Variants in WTAP observed in about 807,000 individuals in gnomAD.
The protein encoded by WTAP is pre-mRNA-splicing regulator WTAP.
In WTAP, 8 loss-of-function variants were observed where a neutral mutation model predicts 50.0. That is an observed-to-expected ratio of 0.16 (90% CI 0.09 to 0.29). The LOEUF is 0.29. Ranked by LOEUF, WTAP falls within the 10% of genes least tolerant of loss-of-function variation. WTAP has a pLI of 1.00. For missense variants in WTAP, 295 were observed against 470.7 expected, an observed-to-expected ratio of 0.63 and a Z score of 3.45; for synonymous variants, 194 against 169.0, an observed-to-expected ratio of 1.15 and a Z score of -1.15.
chr6:159,732,456 G>A (rs1195869865), intron 1 of WTAP, among the ~76,000 whole-genome samples: 2 of 152,158 alleles, frequency 1.3e-5, no homozygotes, highest in African/African-American at 2.4e-5. Context: ...TTTTATGTTC[G>A]TATATACATA....
intron 2 of WTAP, among the ~76,000 whole-genome samples, chr6:159,737,164 C>T (rs749549794): frequency 1.6e-4 from 24 of 152,060 alleles, no homozygotes; most frequent in Admixed American, 7.9e-4. Context: ...CATCCCACCT[C>T]GGCCTCCTGA....
rs190351467 is a variant in WTAP, at chr6:159,753,708, A to G, written c.607+94A>G. 1.5e-3 allele frequency: 2,067 copies of G among 1,425,090 alleles called. 4 individuals are homozygous for G. Among genetic ancestry groups the G allele is most frequent in the Admixed American group, 2.4e-3 (101 of 42,506 alleles). 88.3% of individuals were successfully genotyped at this position (1,425,090 alleles called of 1,614,324 possible). ...GAATATTATAGGTTAGATTCTGTAC[A>G]TTGTTAACCTCTGCCCTATGATTGT... On this transcript the variant is annotated intron_variant, in intron 7 of 7. Transcript: ENST00000621533.
chr6:159,734,580 A>C (rs1778791266), intron 1 of WTAP, among the ~76,000 whole-genome samples: 1 of 152,146 alleles, frequency 6.6e-6, no homozygotes, highest in South Asian at 2.1e-4. Context: ...GGAGGCTGAG[A>C]TGAGAGTATG....
rs1387845552 is a variant in WTAP at position 159,732,917 on chromosome 6, G to GTGTGTGTGTGTT, written c.-8-3340_-8-3339insGTGTGTGTGTTT. 1.1e-4 allele frequency among the ~76,000 whole-genome samples: 15 copies of GTGTGTGTGTGTT among 139,180 alleles called. 1 individual carries two copies. The highest frequency in any genetic ancestry group is 3.3e-4 in the African/African-American group (13 of 38,984). The allele number at this position is 139,180 out of a possible 152,430, so 91.3% of individuals were successfully genotyped here. The stretch of plus-strand genomic sequence containing the variant: ...TGTGTGTGTGTGTGTGTGTGTGTGT[G>GTGTGTGTGTGTT]TAAAATTGATATTTAGCTCCAGACA... On this transcript the variant is annotated intron_variant, in intron 1 of 7. Coordinates refer to ENST00000621533, the MANE Select transcript of WTAP (RefSeq NM_001270531.2).
chr6:159,732,658 A>C (rs1422632543), intron 1 of WTAP, among the ~76,000 whole-genome samples: 2 of 152,052 alleles, frequency 1.3e-5, no homozygotes, highest in African/African-American at 4.8e-5. Context: ...AACATGGTGA[A>C]ACTAAAAATA....
At chr6:159,752,756 TCTC>T (rs1467308283) in intron 6 of WTAP, among the ~76,000 whole-genome samples, 3 of 152,180 alleles carry the variant, frequency 2.0e-5, no homozygotes, top group Non-Finnish European at 4.4e-5. Flanking sequence ...AACTTCCCTC[TCTC>T]CTCCTCTTTT....
In WTAP at chr6:159,751,155, AT is replaced by A. The variant is rs1779805892; in HGVS notation, c.453-2299del. ...AAAAACAACTACTTGTAATTAAATTATTTTTTCAAAACTGTGATTTTGTTAA... is the reference window on the plus strand; with the variant it reads ...AAAAACAACTACTTGTAATTAAATTATTTTTCAAAACTGTGATTTTGTTAA... On this transcript the variant is annotated intron_variant, in intron 6 of 7. Transcript: ENST00000621533. Among the ~76,000 whole-genome samples, 3 of 152,164 alleles carry A rather than the reference AT, an allele frequency of 2.0e-5. No individual in the cohort carries two copies. In the South Asian group the frequency reaches 6.2e-4, roughly 32 times the overall value.
chr6:159,728,601 C>A (rs1778372016), intron 1 of WTAP, among the ~76,000 whole-genome samples: 1 of 152,094 alleles, frequency 6.6e-6, no homozygotes, highest in African/African-American at 2.4e-5. Context: ...AAAATTTTGA[C>A]CATTAAGTTT....
At position 159,739,089 on chromosome 6, in the gene WTAP, T is replaced by G. The variant is rs372140627; in HGVS notation, c.86+44T>G. ...AAAAACAAAGTCTTTCTATAGAACA[T>G]TATATTGTGACTCTACACTGTAATT... On this transcript the variant is annotated intron_variant, in intron 3 of 7. Transcript: ENST00000621533. 44 of 1,472,834 alleles carry G rather than the reference T, an allele frequency of 3.0e-5. No homozygotes were observed. The African/African-American group carries it at 5.9e-4, about 20-fold the overall frequency. 91.2% of individuals were successfully genotyped at this position (1,472,834 alleles called of 1,614,324 possible). A position where few individuals can be genotyped will look rare whatever the true frequency, so the allele number is the denominator to read the frequency against.
rs769961323 is a variant in WTAP, at chr6:159,753,662, CTT to C, written c.607+52_607+53del. Reference sequence around the variant, plus strand: ...GAACGTTGTCTCAACTTTGCATTGGCTTTTTAAAACTGCCAGTCATGAATATT... The same window carrying C: ...GAACGTTGTCTCAACTTTGCATTGGCTTTAAAACTGCCAGTCATGAATATT... On this transcript the variant is annotated intron_variant, in intron 7 of 7. Transcript: ENST00000621533. 3.2e-5 allele frequency: 49 copies of C among 1,552,880 alleles called. No individual in the cohort carries two copies. In the Admixed American group the frequency reaches 9.7e-4, roughly 31 times the overall value.
chr6:159,747,938 A>G (rs1275491861), intron 5 of WTAP, among the ~76,000 whole-genome samples: 2 of 152,194 alleles, frequency 1.3e-5, no homozygotes, highest in Admixed American at 6.5e-5. Flanking sequence ...ATATTCAAGG[A>G]CTACTACATA....
intron 1 of WTAP, among the ~76,000 whole-genome samples, chr6:159,728,682 A>G (rs2114859771): frequency 6.6e-6 from 1 of 152,390 alleles, no homozygotes; most frequent in African/African-American, 2.4e-5. Context: ...AATCTTTTCA[A>G]GATGGATACA....
intron 1 of WTAP, among the ~76,000 whole-genome samples, chr6:159,732,886 AGTG>A (rs1255729028): frequency 1.4e-4 from 20 of 146,488 alleles, no homozygotes; most frequent in African/African-American, 4.7e-4. Flanking sequence ...ATATATATAT[AGTG>A]TGTGTGTGTG....
chr6:159,751,330 T>C (rs1426380129), intron 6 of WTAP, among the ~76,000 whole-genome samples: 1 of 152,242 alleles, frequency 6.6e-6, no homozygotes, highest in Non-Finnish European at 1.5e-5. Context: ...GGTCACAGAT[T>C]AATGTATCTT....
chr6:159,748,135 C>G lies in WTAP; in HGVS notation c.274-56C>G, dbSNP rs544726322. On this transcript the variant is annotated intron_variant, in intron 5 of 7. Coordinates refer to ENST00000621533, the MANE Select transcript of WTAP (RefSeq NM_001270531.2). The surrounding 1 kb of genome is among the most constrained non-coding windows in gnomAD (Gnocchi z 5.6). ...AGTGAATGGAGGGAGTTTTCCCCAC[C>G]TTCTTATGTATGTTTCCTTTGATTT... The G allele has an allele frequency of 3.3e-5, 51 of 1,534,606 alleles. No individual in the cohort carries two copies. The African/African-American group carries it at 6.5e-4, about 20-fold the overall frequency.
At chr6:159,740,537 A>G (rs577541802) in intron 3 of WTAP, among the ~76,000 whole-genome samples, 2 of 152,250 alleles carry the variant, frequency 1.3e-5, no homozygotes, top group South Asian at 4.1e-4. Flanking sequence ...TCGTTCTTTT[A>G]TAGCCTCCAC....
chr6:159,741,643 T>A (rs964667151), intron 3 of WTAP: 10 of 158,234 alleles, frequency 6.3e-5, no homozygotes, highest in African/African-American at 2.4e-4. Flanking sequence ...TCTTTTTACC[T>A]GTTTCCTGTA....
intron 6 of WTAP, among the ~76,000 whole-genome samples, chr6:159,751,269 G>A (rs146796826): frequency 0.011 from 1,624 of 152,148 alleles, 17 homozygotes; most frequent in Middle Eastern, 0.075. Flanking sequence ...CTTTTTAAAC[G>A]AAACCTTTTT....
rs201600176 is a variant in WTAP, at chr6:159,748,164, C to A, written c.274-27C>A. ...TTATGTATGTTTCCTTTGATTTGGT[C>A]GTAATTGTTTCTTTTGCTTTGCACA... On this transcript the variant is annotated intron_variant, in intron 5 of 7. Coordinates refer to ENST00000621533, the MANE Select transcript of WTAP (RefSeq NM_001270531.2). The surrounding 1 kb of genome is among the most constrained non-coding windows in gnomAD (Gnocchi z 5.6). 6.2e-7 allele frequency: 1 copy of A among 1,601,374 alleles called. No individual in the cohort carries two copies. The highest frequency in any genetic ancestry group is 8.5e-7 in the Non-Finnish European group (1 of 1,171,890).
Sources: allele counts gnomAD v4.1 joint callset (sites outside exome capture counted in the v4.1 genomes callset), GRCh38; gene constraint gnomAD v4.1.1; non-coding constraint Gnocchi (gnomAD v3.1); transcripts MANE v1.5; gene names NCBI Gene and HGNC (gene_info 2026-07-23, HGNC 2026-07-21).